Variants in ALDH8A1 observed in about 807,000 individuals in gnomAD.
The protein encoded by ALDH8A1 is aldehyde dehydrogenase 8 family member A1.
Under a neutral mutation model 43.3 loss-of-function variants are expected in ALDH8A1, and 39 were observed. The observed-to-expected ratio is 0.90, with a 90% confidence interval of 0.70 to 1.18. The LOEUF is 1.18. Ranked by LOEUF, ALDH8A1 falls within the 50% of genes most tolerant of loss-of-function variation. ALDH8A1 has a pLI of 0.00. For synonymous variants in ALDH8A1, 233 were observed against 243.5 expected (o/e 0.96, Z 0.40); for missense variants, 605 against 622.6 (o/e 0.97, Z 0.30).
At chr6:134,942,674 T>C in intron 2 of ALDH8A1, 110 bp from the exon 3 acceptor site, 9 of 1,141,204 alleles carry the variant, frequency 7.9e-6, no homozygotes, top group Non-Finnish European at 1.1e-5. Context: ...GGATTCCTTC[T>C]AGCCCGGGGC....
intron 3 of ALDH8A1, among the ~76,000 whole-genome samples, chr6:134,940,783 C>A (rs975635077): frequency 6.6e-6 from 1 of 152,164 alleles, no homozygotes; most frequent in Non-Finnish European, 1.5e-5. Context: ...AAAGTAAATG[C>A]ATCTTTTATA....
chr6:134,931,042 G>A (rs1294305074), intron 5 of ALDH8A1, among the ~76,000 whole-genome samples: 2 of 152,142 alleles, frequency 1.3e-5, no homozygotes, highest in South Asian at 2.1e-4. Flanking sequence ...TGCACGACAC[G>A]GAATTCATCG....
chr6:134,929,966 C>T lies in ALDH8A1; in HGVS notation c.850-751G>A, dbSNP rs144908452. On this transcript the variant is annotated intron_variant, in intron 5 of 6. Transcript: ENST00000265605. ...AGAGAATATTCCAGAAGTCCAGATG[C>T]GTGTAGGTAGCTGGGACCAGGGAGG... is the stretch of plus-strand genomic sequence containing the variant. 1.6e-4 allele frequency among the ~76,000 whole-genome samples: 24 copies of T among 152,198 alleles called. No individual in the cohort carries two copies. The East Asian group carries it at 4.6e-3, about 29-fold the overall frequency.
chr6:134,934,845 CA>C (rs1272000218), intron 4 of ALDH8A1, among the ~76,000 whole-genome samples: 1 of 152,144 alleles, frequency 6.6e-6, no homozygotes, highest in Non-Finnish European at 1.5e-5. Context: ...CATGAAGATA[CA>C]GGGTAGCAGA....
intron 3 of ALDH8A1, among the ~76,000 whole-genome samples, chr6:134,941,014 TCCGAGGA>T (rs1773843324): frequency 6.6e-6 from 1 of 152,190 alleles, no homozygotes. Flanking sequence ...GATTTTTTTC[TCCGAGGA>T]AACAGTGACA....
chr6:134,945,052 A>T (rs1386351785), intron 1 of ALDH8A1, among the ~76,000 whole-genome samples: 1 of 151,524 alleles, frequency 6.6e-6, no homozygotes, highest in Middle Eastern at 3.2e-3. Context: ...TTTTGGGTGA[A>T]ATCACATCCT....
intron 6 of ALDH8A1, among the ~76,000 whole-genome samples, chr6:134,923,603 T>C (rs1008395169): frequency 2.0e-5 from 3 of 152,232 alleles, no homozygotes; most frequent in African/African-American, 7.2e-5. Context: ...TTTGGTTTAG[T>C]AGAAGATGGC....
intron 6 of ALDH8A1, among the ~76,000 whole-genome samples, chr6:134,925,567 T>A (rs1282618295): frequency 6.6e-6 from 1 of 152,228 alleles, no homozygotes; most frequent in African/African-American, 2.4e-5. Flanking sequence ...GAACACATCA[T>A]GTGGTGTTAA....
intron 5 of ALDH8A1, among the ~76,000 whole-genome samples, chr6:134,929,834 A>C (rs1776953369): frequency 6.6e-6 from 1 of 152,166 alleles, no homozygotes; most frequent in Non-Finnish European, 1.5e-5. Context: ...GGAAGGTTTT[A>C]AGCATCAGAA....
chr6:134,949,829 C>T (rs748880539), intron 1 of ALDH8A1, 87 bp downstream of exon 1: 6 of 1,416,808 alleles, frequency 4.2e-6, no homozygotes, highest in Non-Finnish European at 5.6e-6. Context: ...CATCTTCCCC[C>T]AACTCCCTCT....
At chr6:134,944,390 A>G (rs942892610) in intron 1 of ALDH8A1, among the ~76,000 whole-genome samples, 2 of 152,002 alleles carry the variant, frequency 1.3e-5, no homozygotes, top group Non-Finnish European at 2.9e-5. Flanking sequence ...TGAATATTCA[A>G]CATGTCCCAG....
chr6:134,929,167 A>G lies in ALDH8A1; in HGVS notation c.898T>C (p.Tyr300His). 2 of 1,614,166 alleles carry G rather than the reference A, an allele frequency of 1.2e-6. No individual in the cohort carries two copies. The highest frequency in any genetic ancestry group is 1.3e-5 in the African/African-American group (1 of 75,060). Reference protein sequence around the residue: ...TSRIFVQKSIYSEFLKRFVEA... With the variant: ...TSRIFVQKSIHSEFLKRFVEA... ...ACAAATCTCTTTAAAAATTCACTAT[A>G]GATGCTCTTCTGGACAAAGATCCTG... Residue 300 changes from tyrosine to histidine, a missense_variant, in exon 6 of 7, where the codon TAT becomes CAT. Physicochemically the swap from Tyr to His is moderately conservative, Grantham distance 83. Transcript: ENST00000265605.
intron 6 of ALDH8A1, among the ~76,000 whole-genome samples, chr6:134,925,118 A>G (rs781210863): frequency 1.1e-4 from 16 of 152,192 alleles, no homozygotes; most frequent in South Asian, 2.1e-4. Flanking sequence ...CTAAATTGGC[A>G]TTTAAAAAGT....
chr6:134,941,407 G>T (rs1485685543), intron 3 of ALDH8A1: 1 of 149,324 alleles, frequency 6.7e-6, no homozygotes, highest in Non-Finnish European at 1.5e-5. Flanking sequence ...GTTTTTTTGA[G>T]ACCGAGTCTC....
chr6:134,931,288 A>C (rs1776981532), intron 5 of ALDH8A1, among the ~76,000 whole-genome samples: 1 of 152,016 alleles, frequency 6.6e-6, no homozygotes, highest in African/African-American at 2.4e-5. Flanking sequence ...TTTGAGATGG[A>C]TTCTTGCTCT....
chr6:134,941,209 CT>C (rs917075290), intron 3 of ALDH8A1, among the ~76,000 whole-genome samples: 17 of 149,662 alleles, frequency 1.1e-4, no homozygotes, highest in South Asian at 2.1e-4. Context: ...ATAGTTCTTT[CT>C]TTTTTTTTTC....
At position 134,943,841 on chromosome 6, in the gene ALDH8A1, G is replaced by A. The variant is rs1773903902; in HGVS notation, c.264C>T (p.Ala88=). 14 of 1,614,184 alleles carry A rather than the reference G, an allele frequency of 8.7e-6. No individual in the cohort carries two copies. Among genetic ancestry groups the A allele is most frequent in the Non-Finnish European group, 1.0e-5 (12 of 1,180,026 alleles). ...DLLEQSLEEF[A]QAESKDQGKT... The stretch of plus-strand genomic sequence containing the variant: ...CACCTTGGTCTTTAGACTCGGCCTG[G>A]GCAAACTCCTCCAGGGACTGCTCCA... Residue 88 remains alanine, a synonymous_variant, in exon 2 of 7, where the codon GCC becomes GCT. Coordinates refer to ENST00000265605, the MANE Select transcript of ALDH8A1 (RefSeq NM_022568.4).
chr6:134,935,196 T>C (rs977177085), intron 4 of ALDH8A1, among the ~76,000 whole-genome samples: 6 of 152,238 alleles, frequency 3.9e-5, no homozygotes, highest in Non-Finnish European at 8.8e-5. Flanking sequence ...GATTCTTCAG[T>C]TGATAGCACA....
intron 5 of ALDH8A1, 122 bp downstream of exon 5, chr6:134,932,654 A>T: frequency 7.3e-7 from 1 of 1,378,982 alleles, no homozygotes; most frequent in South Asian, 1.4e-5. Context: ...CAATGTACTG[A>T]TCCTGCTTTC....
Sources: gnomAD v4.1 joint callset for allele counts (sites outside exome capture counted in the v4.1 genomes callset) on GRCh38, gnomAD v4.1.1 for gene constraint, MANE v1.5 for transcripts, NCBI Gene and HGNC (gene_info 2026-07-23, HGNC 2026-07-21) for gene names.